NELL1: variants seen among roughly 807,000 people sequenced by gnomAD.
NELL1 encodes the protein protein kinase C-binding protein NELL1.
A neutral mutation model predicts 107.4 loss-of-function variants in NELL1; 76 were observed. That is an observed-to-expected ratio of 0.71 (90% CI 0.59 to 0.86). The LOEUF (loss-of-function observed/expected upper bound fraction) is 0.86, where lower values mean the gene tolerates loss of function less well. NELL1 is among the 40% of genes least tolerant of loss of function. NELL1 has a pLI of 0.00. For missense variants in NELL1, 1,024 were observed against 1,005.5 expected, an observed-to-expected ratio of 1.02 and a Z score of -0.25; for synonymous variants, 353 against 341.2, an observed-to-expected ratio of 1.03 and a Z score of -0.38.
At chr11:21,207,590 A>G (rs1227165204) in intron 13 of NELL1, among the ~76,000 whole-genome samples, 3 of 152,302 alleles carry the variant, frequency 2.0e-5, no homozygotes, top group East Asian at 3.9e-4. Context: ...AAATAATGAA[A>G]CTAGATGCTC....
chr11:21,338,581 G>T (rs2133699022), intron 14 of NELL1, among the ~76,000 whole-genome samples: 1 of 152,176 alleles, frequency 6.6e-6, no homozygotes, highest in East Asian at 1.9e-4. Flanking sequence ...GTTTCATGAG[G>T]ATTTACCCCA....
intron 2 of NELL1, among the ~76,000 whole-genome samples, chr11:20,686,270 T>C (rs1340918351): frequency 6.6e-6 from 1 of 152,126 alleles, no homozygotes. Context: ...ACAGTACCAA[T>C]TGCAAAGCCT....
At chr11:20,897,569 G>A (rs1260858861) in intron 5 of NELL1, among the ~76,000 whole-genome samples, 1 of 152,072 alleles carries the variant, frequency 6.6e-6, no homozygotes, top group African/African-American at 2.4e-5. Flanking sequence ...TGACAAATGG[G>A]ATCTAATTAA....
intron 4 of NELL1, among the ~76,000 whole-genome samples, chr11:20,861,253 A>AT (rs148855016): frequency 0.025 from 3,770 of 152,016 alleles, 177 homozygotes; most frequent in African/African-American, 0.086. Context: ...ACACAAACAC[A>AT]TTTTTTTTCT....
intron 4 of NELL1, among the ~76,000 whole-genome samples, chr11:20,869,912 TA>T (rs1474095526): frequency 1.3e-5 from 2 of 152,330 alleles, no homozygotes; most frequent in East Asian, 3.9e-4. Context: ...TCAACTTGAA[TA>T]CCTTGAGCAA....
chr11:21,344,018 C>G lies in NELL1; in HGVS notation c.1550-26835C>G, dbSNP rs1590855587. Among the ~76,000 whole-genome samples the G allele has an allele frequency of 3.3e-5, 5 of 152,114 alleles. No homozygotes were observed. The South Asian group carries it at 1.0e-3, about 32-fold the overall frequency. ...CTGTTGAACATTTTTAATTTTGTAC[C>G]AAGCAGATGTGCCCCATTTGAAGAA... On this transcript the variant is annotated intron_variant, in intron 14 of 19. Transcript: ENST00000357134.
intron 13 of NELL1, among the ~76,000 whole-genome samples, chr11:21,162,421 C>A (rs1487950689): frequency 6.6e-6 from 1 of 152,130 alleles, no homozygotes; most frequent in Non-Finnish European, 1.5e-5. Flanking sequence ...AGGAAATCTA[C>A]TGTATTAGTT....
intron 5 of NELL1, among the ~76,000 whole-genome samples, chr11:20,904,793 C>T (rs888149265): frequency 1.3e-5 from 2 of 151,752 alleles, no homozygotes; most frequent in African/African-American, 4.8e-5. Context: ...CAAGGAAATC[C>T]CTGTCAAAAT....
At chr11:21,153,399 G>A (rs535638408) in intron 13 of NELL1, among the ~76,000 whole-genome samples, 32 of 152,138 alleles carry the variant, frequency 2.1e-4, no homozygotes, top group Non-Finnish European at 4.4e-4. Flanking sequence ...TTATGGGGGC[G>A]TGTAGAACAG....
At chr11:21,398,203 T>A (rs965109393) in intron 15 of NELL1, among the ~76,000 whole-genome samples, 1 of 151,716 alleles carries the variant, frequency 6.6e-6, no homozygotes, top group Admixed American at 6.6e-5. Flanking sequence ...CTGAGGGTGG[T>A]GTCCTCCACT....
At chr11:20,716,310 A>G (rs1444234675) in intron 2 of NELL1, among the ~76,000 whole-genome samples, 3 of 152,264 alleles carry the variant, frequency 2.0e-5, no homozygotes, top group African/African-American at 4.8e-5. Context: ...ATGGCTATAT[A>G]GCTTGACAAG....
At chr11:21,543,043 C>T (rs1191408217) in intron 16 of NELL1, among the ~76,000 whole-genome samples, 2 of 151,946 alleles carry the variant, frequency 1.3e-5, no homozygotes, top group Non-Finnish European at 2.9e-5. Flanking sequence ...GGTGGAAAAG[C>T]ACCTTAGTGG....
chr11:21,088,336 CATT>C (rs938518067), intron 12 of NELL1, among the ~76,000 whole-genome samples: 6 of 152,006 alleles, frequency 3.9e-5, no homozygotes, highest in African/African-American at 1.5e-4. Context: ...GTTTTTTTCT[CATT>C]ATCATAATTA....
At chr11:21,465,883 A>G (rs4540832) in intron 15 of NELL1, among the ~76,000 whole-genome samples, 150,652 of 152,206 alleles carry the variant, frequency 0.99, 74,578 homozygotes, top group Middle Eastern at 1. Context: ...AATCTAAGCC[A>G]TAGCACCAGA....
At chr11:21,469,852 G>C (rs182761641) in intron 15 of NELL1, among the ~76,000 whole-genome samples, 8 of 152,138 alleles carry the variant, frequency 5.3e-5, no homozygotes, top group African/African-American at 1.2e-4. Flanking sequence ...GTAGCACTAC[G>C]TGTTTAGAAA....
chr11:21,498,939 C>A (rs562668178), intron 15 of NELL1, among the ~76,000 whole-genome samples: 31 of 152,118 alleles, frequency 2.0e-4, no homozygotes, highest in Non-Finnish European at 4.3e-4. Flanking sequence ...CTGTTTATTT[C>A]CAGTGCATAT....
At chr11:21,267,490 G>A (rs1414429512) in intron 14 of NELL1, among the ~76,000 whole-genome samples, 1 of 151,970 alleles carries the variant, frequency 6.6e-6, no homozygotes, top group Non-Finnish European at 1.5e-5. Context: ...CTGATCCTTT[G>A]GTAGTAAAAT....
In NELL1 at chr11:20,799,484, AT is replaced by A. The variant is rs1013743142; in HGVS notation, c.335+15660del. ...TAATTTATAAAACTATAACAATTAC[AT>A]TTTTTAGAGCAAATGCACACACTTT... On this transcript the variant is annotated intron_variant, in intron 3 of 19. Transcript: ENST00000357134. Among the ~76,000 whole-genome samples the A allele has an allele frequency of 8.6e-4, 131 of 152,302 alleles. 2 individuals are homozygous for A. The highest frequency in any genetic ancestry group is 5.2e-3 in the Admixed American group (79 of 15,304).
intron 3 of NELL1, among the ~76,000 whole-genome samples, chr11:20,825,918 T>C (rs112577630): frequency 1.3e-5 from 2 of 151,202 alleles, no homozygotes; most frequent in African/African-American, 4.8e-5. Context: ...TCCCATGTGT[T>C]TGGAGAGGGA....
Sources: allele counts gnomAD v4.1 joint callset (sites outside exome capture counted in the v4.1 genomes callset), GRCh38; gene constraint gnomAD v4.1.1; transcripts MANE v1.5; gene names NCBI Gene and HGNC (gene_info 2026-07-23, HGNC 2026-07-21).